Variants in SHC1 observed in about 807,000 individuals in gnomAD.
SHC1 encodes the protein SHC adaptor protein 1, also known as SHC-transforming protein 1.
Under a neutral mutation model 55.9 loss-of-function variants are expected in SHC1, and 30 were observed. That is an observed-to-expected ratio of 0.54 (90% CI 0.40 to 0.73). The LOEUF is 0.73. Ranked by LOEUF, SHC1 falls within the 30% of genes least tolerant of loss-of-function variation. The pLI is 0.00. For synonymous variants in SHC1, 309 were observed against 306.1 expected (o/e 1.01, Z -0.10); for missense variants, 675 against 777.1 (o/e 0.87, Z 1.56).
upstream of SHC1, chr1:154,973,144 C>A (rs913720367): frequency 1.3e-5 from 2 of 152,152 alleles, no homozygotes; most frequent in African/African-American, 4.8e-5. Context: ...GAGGGCAAGT[C>A]TCTCTCTCCC....
chr1:154,963,700 A>G lies in SHC1; in HGVS notation c.*103T>C, dbSNP rs1655558588. On this transcript the variant is annotated 3_prime_UTR_variant, in exon 12 of 12. Transcript: ENST00000448116. ...AGTCCATGCTACTCCCAGCTCTGAC[A>G]CAAGGCCAAGCCCACAGAACACTCC... 1 of 1,319,558 alleles carries G rather than the reference A, an allele frequency of 7.6e-7. No individual in the cohort carries two copies. 81.7% of individuals were successfully genotyped at this position (1,319,558 alleles called of 1,614,324 possible). A position where few individuals can be genotyped will look rare whatever the true frequency, so the allele number is the denominator to read the frequency against.
At chr1:154,964,209 T>C in intron 11 of SHC1, 1 of 542,250 alleles carries the variant, frequency 1.8e-6, no homozygotes, top group South Asian at 1.5e-5. Context: ...TGGAGGAAGT[T>C]GGCATGTCTC....
chr1:154,968,077 A>G (rs1393368497), intron 5 of SHC1, 46 bp from the exon 6 acceptor site: 1 of 1,604,618 alleles, frequency 6.2e-7, no homozygotes, highest in South Asian at 1.1e-5. Flanking sequence ...TTTACTCCTG[A>G]CCCCTAAAAC....
chr1:154,972,261 C>A (rs951292128), upstream of SHC1, among the ~76,000 whole-genome samples: 1 of 151,178 alleles, frequency 6.6e-6, no homozygotes, highest in Non-Finnish European at 1.5e-5. Flanking sequence ...AAAAAAAATA[C>A]GTATTCCCCC....
chr1:154,965,386 G>C (rs781398365), intron 11 of SHC1, 157 bp downstream of exon 11: 67 of 1,605,570 alleles, frequency 4.2e-5, no homozygotes, highest in Non-Finnish European at 5.7e-5. Context: ...ATGAGCCTCT[G>C]GAGGAAGATG....
intron 2 of SHC1, among the ~76,000 whole-genome samples, 158 bp downstream of exon 2, chr1:154,969,220 A>G (rs1656417722): frequency 6.6e-6 from 1 of 152,152 alleles, no homozygotes; most frequent in Admixed American, 6.5e-5. Context: ...GCCTCCTTTC[A>G]GTAAGAGGCG....
At chr1:154,967,573 A>G in intron 7 of SHC1, 98 bp downstream of exon 7, 1 of 1,323,974 alleles carries the variant, frequency 7.6e-7, no homozygotes, top group Non-Finnish European at 1.1e-6. Context: ...CACACAGGTT[A>G]TTCCCTCCCT....
In SHC1 at chr1:154,970,704, A is replaced by C; in HGVS notation, c.-178T>G. ...CTTCCGCTCCCCAGCTCAGACCCAG[A>C]CAGTTTCAGGCCCCATCCCCGCCCA... On this transcript the variant is annotated 5_prime_UTR_variant, in exon 1 of 12. Coordinates refer to ENST00000448116, the MANE Select transcript of SHC1 (RefSeq NM_001130040.2). This position sits in a 1 kb window ranked among gnomAD's most constrained non-coding sequence, Gnocchi z 5.5. 1 of 536,680 alleles carries C rather than the reference A, an allele frequency of 1.9e-6. No homozygotes were observed. The highest frequency in any genetic ancestry group is 3.7e-5 in the Admixed American group (1 of 27,230). 33.2% of individuals were successfully genotyped at this position (536,680 alleles called of 1,614,324 possible). A position where few individuals can be genotyped will look rare whatever the true frequency, so the allele number is the denominator to read the frequency against.
upstream of SHC1, among the ~76,000 whole-genome samples, chr1:154,972,242 T>C (rs1018043643): frequency 1.3e-5 from 2 of 149,258 alleles, no homozygotes; most frequent in Admixed American, 1.3e-4. Context: ...CAAAACTCCG[T>C]CTCAAAAAAA....
At position 154,968,318 on chromosome 1, in the gene SHC1, G is replaced by A. The variant is rs369397090; in HGVS notation, c.751-61C>T. ...ATGCCATGTGTCAGGCAGCCTCAGGGCCCAGAACCCTGGTGCCCCAGTCTC... is the reference window on the plus strand; with the variant it reads ...ATGCCATGTGTCAGGCAGCCTCAGGACCCAGAACCCTGGTGCCCCAGTCTC... On this transcript the variant is annotated intron_variant, in intron 4 of 11. Transcript: ENST00000448116. The A allele has an allele frequency of 5.1e-4, 799 of 1,581,446 alleles. 1 individual carries two copies. Among genetic ancestry groups the A allele is most frequent in the Non-Finnish European group, 6.5e-4 (746 of 1,150,518 alleles).
Position 154,970,475 on chromosome 1 carries a change from G to A in SHC1, c.52C>T (p.Leu18=), listed in dbSNP as rs540270618. ...PKYNPLRNES[L]SSLEEGASGS... is the part of the protein sequence containing the mutation. ...GAAGCCCCTTCCTCCAGCGATGACA[G>A]AGACTCATTCCGGAGTGGATTGTAC... The change falls in exon 1 of 12, where the codon CTG becomes TTG. Residue 18 remains leucine (L), a synonymous_variant. Coordinates refer to ENST00000448116, the MANE Select transcript of SHC1 (RefSeq NM_001130040.2). This position sits in a 1 kb window ranked among gnomAD's most constrained non-coding sequence, Gnocchi z 5.5. 1 of 1,612,210 alleles carries A rather than the reference G, an allele frequency of 6.2e-7. No homozygotes were observed. The highest frequency in any genetic ancestry group is 8.5e-7 in the Non-Finnish European group (1 of 1,179,520).
intron 11 of SHC1, 45 bp downstream of exon 11, chr1:154,965,498 A>G: frequency 6.2e-7 from 1 of 1,613,982 alleles, no homozygotes; most frequent in Non-Finnish European, 8.5e-7. Context: ...AGGGTACTGT[A>G]CCTTCCTTTT....
At chr1:154,965,901 A>C in intron 10 of SHC1, 45 bp downstream of exon 10, 1 of 1,589,536 alleles carries the variant, frequency 6.3e-7, no homozygotes, top group Non-Finnish European at 8.6e-7. Flanking sequence ...GGCCAGAACC[A>C]AGTAGAAAGG....
rs1656197299 is a variant in SHC1 at position 154,967,803 on chromosome 1, G to A, written c.857-6C>T. 1.9e-6 allele frequency: 3 copies of A among 1,613,876 alleles called. No homozygotes were observed. The highest frequency in any genetic ancestry group is 1.7e-4 in the Middle Eastern group (1 of 6,060). ...ACACTCCAGAATGTGGCAGGCTGAGGGCACAGCAGAGGCTGTCAGTGAGCT... is the reference window on the plus strand; with the variant it reads ...ACACTCCAGAATGTGGCAGGCTGAGAGCACAGCAGAGGCTGTCAGTGAGCT... On this transcript the variant is annotated splice_region_variant and splice_polypyrimidine_tract_variant and intron_variant, in intron 6 of 11. Coordinates refer to ENST00000448116, the MANE Select transcript of SHC1 (RefSeq NM_001130040.2).
At chr1:154,971,358 G>A (rs910877478), upstream of SHC1, among the ~76,000 whole-genome samples, 25 of 152,192 alleles carry the variant, frequency 1.6e-4, no homozygotes, top group African/African-American at 5.8e-4. Flanking sequence ...GGGCCAAGAG[G>A]AAGAGCAAAG....
At chr1:154,965,061 G>T (rs547468931) in intron 11 of SHC1, among the ~76,000 whole-genome samples, 1 of 152,204 alleles carries the variant, frequency 6.6e-6, no homozygotes, top group East Asian at 1.9e-4. Flanking sequence ...TTTTCAGACA[G>T]AGTCTCACTC....
At position 154,970,001 on chromosome 1, in the gene SHC1, C is replaced by T. The variant is rs780681142; in HGVS notation, c.495+31G>A. On this transcript the variant is annotated intron_variant, in intron 1 of 11. Transcript: ENST00000448116. This position sits in a 1 kb window ranked among gnomAD's most constrained non-coding sequence, Gnocchi z 5.5. ...GAGCATTAGAACTGGAGGGGGTCTG[C>T]GGGGGAATGGAGAGGAGGATGTTCA... The T allele has an allele frequency of 6.2e-6, 10 of 1,610,914 alleles. No homozygotes were observed. The highest frequency in any genetic ancestry group is 1.3e-5 in the African/African-American group (1 of 74,770).
Position 154,963,529 on chromosome 1 carries a change from A to C in SHC1, c.*274T>G. ...ATGACAAGCACTCACCTTCTTGGGG[A>C]AGGGGCATCAGGTTGGCACAGGAAA... On this transcript the variant is annotated 3_prime_UTR_variant, in exon 12 of 12. Transcript: ENST00000448116. 1 of 346,514 alleles carries C rather than the reference A, an allele frequency of 2.9e-6. No individual in the cohort carries two copies. The highest frequency in any genetic ancestry group is 5.4e-6 in the Non-Finnish European group (1 of 183,942). The allele number at this position is 346,514 out of a possible 1,614,324, so 21.5% of individuals were successfully genotyped here. A position where few individuals can be genotyped will look rare whatever the true frequency, so the allele number is the denominator to read the frequency against.
upstream of SHC1, among the ~76,000 whole-genome samples, chr1:154,970,969 G>A (rs1037192271): frequency 2.0e-5 from 3 of 152,184 alleles, no homozygotes; most frequent in African/African-American, 7.2e-5. The surrounding 1 kb of genome is among the most constrained non-coding windows in gnomAD (Gnocchi z 5.5). Flanking sequence ...AGTAAAGTGG[G>A]GGTGGGAGGG....
Sources: allele counts gnomAD v4.1 joint callset (sites outside exome capture counted in the v4.1 genomes callset), GRCh38; gene constraint gnomAD v4.1.1; non-coding constraint Gnocchi (gnomAD v3.1); transcripts MANE v1.5; gene names NCBI Gene and HGNC (gene_info 2026-07-23, HGNC 2026-07-21).